Variants in TSPAN9 observed in about 807,000 individuals in gnomAD.
TSPAN9 encodes the protein tetraspanin-9.
TSPAN9 carries 16 observed loss-of-function variants against 31.0 expected under a neutral mutation model. The observed-to-expected ratio is 0.52, with a 90% CI of 0.35 to 0.78. TSPAN9 has a LOEUF of 0.78. Among genes scored for constraint, TSPAN9 ranks in the 30% least tolerant of loss-of-function variants. TSPAN9 has a pLI of 0.01. For synonymous variants in TSPAN9, 145 were observed against 121.6 expected, an observed-to-expected ratio of 1.19 and a Z score of -1.27; for missense variants, 272 against 312.5, an observed-to-expected ratio of 0.87 and a Z score of 0.98.
chr12:3,119,145 C>T (rs1591636111), intron 2 of TSPAN9, among the ~76,000 whole-genome samples: 1 of 152,158 alleles, frequency 6.6e-6, no homozygotes, highest in East Asian at 1.9e-4. Flanking sequence ...CCTGACCCCA[C>T]ACTGGACAAG....
At chr12:3,228,161 C>A (rs1005038678) in intron 3 of TSPAN9, among the ~76,000 whole-genome samples, 1 of 152,124 alleles carries the variant, frequency 6.6e-6, no homozygotes, top group Non-Finnish European at 1.5e-5. Context: ...CCAGCCTGGG[C>A]AACATCACAA....
At chr12:3,232,666 T>A (rs1181791738) in intron 3 of TSPAN9, among the ~76,000 whole-genome samples, 1 of 152,206 alleles carries the variant, frequency 6.6e-6, no homozygotes, top group Non-Finnish European at 1.5e-5. Flanking sequence ...ACTGGGCTGT[T>A]TGTTTAACAA....
At chr12:3,225,502 C>A (rs978726987) in intron 3 of TSPAN9, among the ~76,000 whole-genome samples, 2 of 152,162 alleles carry the variant, frequency 1.3e-5, no homozygotes, top group African/African-American at 4.8e-5. Flanking sequence ...AGGAGTCATG[C>A]ACGTGCAGAA....
intron 2 of TSPAN9, among the ~76,000 whole-genome samples, chr12:3,190,868 C>T (rs1040869282): frequency 6.6e-6 from 1 of 152,216 alleles, no homozygotes; most frequent in Non-Finnish European, 1.5e-5. Context: ...TTTAGAGCAC[C>T]AGTGTGCTAG....
chr12:3,082,074 A>T (rs1489280217), intron 1 of TSPAN9, among the ~76,000 whole-genome samples: 1 of 152,122 alleles, frequency 6.6e-6, no homozygotes, highest in Non-Finnish European at 1.5e-5. Context: ...CATGGGGCTT[A>T]TAAGCCAGTA....
At chr12:3,279,188 A>G in intron 5 of TSPAN9, 122 bp downstream of exon 5, 1 of 884,494 alleles carries the variant, frequency 1.1e-6, no homozygotes, top group Non-Finnish European at 1.8e-6. Flanking sequence ...CTGTGCAGAA[A>G]GGAACATGGA....
At chr12:3,145,070 T>C (rs1343431044) in intron 2 of TSPAN9, among the ~76,000 whole-genome samples, 1 of 152,128 alleles carries the variant, frequency 6.6e-6, no homozygotes, top group Non-Finnish European at 1.5e-5. Flanking sequence ...ATTTCACACA[T>C]CAAGGTCATT....
intron 2 of TSPAN9, among the ~76,000 whole-genome samples, chr12:3,185,886 T>A (rs2098361046): frequency 6.6e-6 from 1 of 152,174 alleles, no homozygotes; most frequent in Admixed American, 6.5e-5. Flanking sequence ...TTCCTAGACC[T>A]TTGAATAAAG....
chr12:3,223,507 G>A (rs543480283), intron 3 of TSPAN9, among the ~76,000 whole-genome samples: 108 of 152,320 alleles, frequency 7.1e-4, no homozygotes, highest in African/African-American at 2.2e-3. Flanking sequence ...GCAAGGATGC[G>A]TTGGGCATGG....
chr12:3,254,000 G>A (rs939244990), intron 3 of TSPAN9, among the ~76,000 whole-genome samples: 2 of 152,184 alleles, frequency 1.3e-5, no homozygotes, highest in African/African-American at 4.8e-5. Context: ...GGAGGGATAA[G>A]GATGATAGCG....
chr12:3,163,515 C>G (rs919301737), intron 2 of TSPAN9, among the ~76,000 whole-genome samples: 1 of 152,190 alleles, frequency 6.6e-6, no homozygotes, highest in Admixed American at 6.5e-5. Flanking sequence ...GTTTCATAGA[C>G]CTTTGCCACT....
chr12:3,281,443 C>A, intron 7 of TSPAN9, 114 bp downstream of exon 7: 1 of 1,396,744 alleles, frequency 7.2e-7, no homozygotes, highest in Non-Finnish European at 9.3e-7. Context: ...CTGAATGTGG[C>A]GGTGGGGGGC....
chr12:3,220,396 G>A (rs180783447), intron 3 of TSPAN9, among the ~76,000 whole-genome samples: 2 of 152,326 alleles, frequency 1.3e-5, no homozygotes, highest in East Asian at 1.9e-4. Flanking sequence ...AGGGTTAGGC[G>A]TGGGTCTAGG....
intron 2 of TSPAN9, among the ~76,000 whole-genome samples, chr12:3,133,189 C>T (rs537760008): frequency 2.4e-4 from 36 of 152,222 alleles, no homozygotes; most frequent in African/African-American, 8.7e-4. Context: ...CCAGAAACCA[C>T]TCCACCATCT....
At chr12:3,162,339 C>G (rs1273533919) in intron 2 of TSPAN9, among the ~76,000 whole-genome samples, 2 of 152,182 alleles carry the variant, frequency 1.3e-5, no homozygotes, top group African/African-American at 4.8e-5. Context: ...TTTATAACAA[C>G]ACAAAACAGA....
intron 2 of TSPAN9, among the ~76,000 whole-genome samples, chr12:3,095,725 A>G (rs2098308133): frequency 6.7e-6 from 1 of 149,560 alleles, no homozygotes; most frequent in Non-Finnish European, 1.5e-5. Flanking sequence ...CGCTCCCCAC[A>G]TCTCAGACGA....
At chr12:3,136,958 C>T (rs2098332443) in intron 2 of TSPAN9, among the ~76,000 whole-genome samples, 1 of 152,222 alleles carries the variant, frequency 6.6e-6, no homozygotes, top group Admixed American at 6.5e-5. Context: ...CCGTCCAGTC[C>T]TGCTGTGAAG....
intron 3 of TSPAN9, among the ~76,000 whole-genome samples, chr12:3,230,579 C>T (rs1213367202): frequency 4.6e-5 from 7 of 152,178 alleles, no homozygotes; most frequent in African/African-American, 1.7e-4. Flanking sequence ...ACGGAGCGCT[C>T]TTCAACACTT....
intron 2 of TSPAN9, among the ~76,000 whole-genome samples, chr12:3,108,127 G>T (rs1278393469): frequency 1.3e-5 from 2 of 152,176 alleles, no homozygotes; most frequent in Non-Finnish European, 2.9e-5. Context: ...TGAAGGTATT[G>T]AAAGGAATAA....
Sources: gnomAD v4.1 joint callset for allele counts (sites outside exome capture counted in the v4.1 genomes callset) on GRCh38, gnomAD v4.1.1 for gene constraint, MANE v1.5 for transcripts, NCBI Gene and HGNC (gene_info 2026-07-23, HGNC 2026-07-21) for gene names.